Variants in AGAP1 observed in about 807,000 individuals in gnomAD.
AGAP1 encodes the protein arf-GAP with GTPase, ANK repeat and PH domain-containing protein 1.
In AGAP1, 29 loss-of-function variants were observed where a neutral mutation model predicts 105.3. The observed-to-expected ratio is 0.28, with a 90% CI of 0.21 to 0.38. The LOEUF (loss-of-function observed/expected upper bound fraction) is 0.38. AGAP1 is among the 10% of genes least tolerant of loss of function. The pLI is 1.00. For missense variants in AGAP1, 998 were observed against 1,165.1 expected, an observed-to-expected ratio of 0.86 and a Z score of 2.09; for synonymous variants, 509 against 485.9, an observed-to-expected ratio of 1.05 and a Z score of -0.63.
At chr2:235,568,429 T>C (rs76447898) in intron 1 of AGAP1, among the ~76,000 whole-genome samples, 3,092 of 152,218 alleles carry the variant, frequency 0.02, 109 homozygotes, top group African/African-American at 0.07. Context: ...AGAAAGAAAC[T>C]GAAGCTCCTT....
chr2:236,024,607 C>CA lies in AGAP1; in HGVS notation c.1646-11947dup, dbSNP rs200351722. Among the ~76,000 whole-genome samples, 885 of 151,924 alleles carry CA rather than the reference C, an allele frequency of 5.8e-3. 4 individuals are homozygous for CA. The highest frequency in any genetic ancestry group is 0.02 in the African/African-American group (835 of 41,428). The stretch of plus-strand genomic sequence containing the variant: ...TAACCCTTTGTCTGCTAGAATTCCG[C>CA]AAAAAAATAATTGATGACGGATTGG... On this transcript the variant is annotated intron_variant, in intron 13 of 17. Transcript: ENST00000304032.
At chr2:235,863,965 G>A (rs2049041218) in intron 9 of AGAP1, among the ~76,000 whole-genome samples, 1 of 152,204 alleles carries the variant, frequency 6.6e-6, no homozygotes, top group African/African-American at 2.4e-5. Context: ...AGTGTGTGTT[G>A]GAGAGAAAGG....
chr2:235,725,644 A>G lies in AGAP1; in HGVS notation c.310+8000A>G, dbSNP rs150674264. On this transcript the variant is annotated intron_variant, in intron 3 of 17. Coordinates refer to ENST00000304032, the MANE Select transcript of AGAP1 (RefSeq NM_001037131.3). The surrounding 1 kb of genome is among the most constrained non-coding windows in gnomAD (Gnocchi z 5.7). ...AAACACATGATAATTTTTTAATGAG[A>G]ATTATCTGTAAACGTTGAGATGATG... Among the ~76,000 whole-genome samples the G allele has an allele frequency of 2.3e-3, 354 of 152,306 alleles. 4 individuals are homozygous for G. Among genetic ancestry groups the G allele is most frequent in the East Asian group, 0.02 (104 of 5,176 alleles).
At chr2:235,713,840 C>A (rs1950965987) in intron 2 of AGAP1, among the ~76,000 whole-genome samples, 1 of 152,138 alleles carries the variant, frequency 6.6e-6, no homozygotes, top group South Asian at 2.1e-4. Flanking sequence ...TGCCTGAGGA[C>A]CTGCTTGCTG....
chr2:235,703,229 G>T (rs898522413), intron 1 of AGAP1, among the ~76,000 whole-genome samples: 1 of 151,722 alleles, frequency 6.6e-6, no homozygotes, highest in Non-Finnish European at 1.5e-5. Context: ...CGCCCGGCCC[G>T]AGCCACGGTT....
At chr2:235,946,512 T>G (rs1323882939) in intron 12 of AGAP1, among the ~76,000 whole-genome samples, 1 of 152,098 alleles carries the variant, frequency 6.6e-6, no homozygotes, top group Admixed American at 6.5e-5. Context: ...CACTAAAATT[T>G]TCCATGTCTT....
chr2:235,805,262 G>C (rs927616852), intron 8 of AGAP1, among the ~76,000 whole-genome samples: 3 of 152,170 alleles, frequency 2.0e-5, no homozygotes, highest in African/African-American at 7.2e-5. Context: ...CAGAGTGTGT[G>C]ATCAGATATT....
In AGAP1 at chr2:235,705,519, G is replaced by T. The variant is rs573969914; in HGVS notation, c.164-3660G>T. Among the ~76,000 whole-genome samples, 1 of 152,166 alleles carries T rather than the reference G, an allele frequency of 6.6e-6. No individual in the cohort carries two copies. The highest frequency in any genetic ancestry group is 1.5e-5 in the Non-Finnish European group (1 of 68,024). On this transcript the variant is annotated intron_variant, in intron 1 of 17. Coordinates refer to ENST00000304032, the MANE Select transcript of AGAP1 (RefSeq NM_001037131.3). The surrounding 1 kb of genome is among the most constrained non-coding windows in gnomAD (Gnocchi z 4.9). ...CCTACTGAGTGATGAACAATTCCAC[G>T]CCAGCACAGTGTCCAGCCCACAGAT...
At chr2:235,765,263 C>T (rs192191457) in intron 6 of AGAP1, among the ~76,000 whole-genome samples, 877 of 86,840 alleles carry the variant, frequency 0.01, 14 homozygotes, top group African/African-American at 0.039. Context: ...CATCTGGGAG[C>T]GTCCGTGGGG....
intron 1 of AGAP1, among the ~76,000 whole-genome samples, chr2:235,594,580 T>C (rs566475453): frequency 6.6e-6 from 1 of 152,292 alleles, no homozygotes; most frequent in East Asian, 1.9e-4. Flanking sequence ...TTTTCCAGAT[T>C]GCTGTTTGTT....
Position 236,089,254 on chromosome 2 carries a change from G to C in AGAP1, c.2115-30938G>C, listed in dbSNP as rs2059002758. On this transcript the variant is annotated intron_variant, in intron 16 of 17. Coordinates refer to ENST00000304032, the MANE Select transcript of AGAP1 (RefSeq NM_001037131.3). This position sits in a 1 kb window ranked among gnomAD's most constrained non-coding sequence, Gnocchi z 5.6. ...AAGAAAAAATAAAAAGTTAAAGTCA[G>C]TCTAGTCAATTGCTTTAACACAAAG... is the stretch of plus-strand genomic sequence containing the variant. Among the ~76,000 whole-genome samples, 1 of 152,232 alleles carries C rather than the reference G, an allele frequency of 6.6e-6. No homozygotes were observed. Among genetic ancestry groups the C allele is most frequent in the Non-Finnish European group, 1.5e-5 (1 of 68,042 alleles).
intron 1 of AGAP1, among the ~76,000 whole-genome samples, chr2:235,658,290 C>A (rs992694624): frequency 6.6e-6 from 1 of 152,132 alleles, no homozygotes; most frequent in African/African-American, 2.4e-5. Flanking sequence ...AATAACGGTG[C>A]TGCTATTTTC....
rs1436078906 is a variant in AGAP1, at chr2:235,744,995, C to G, written c.538+156C>G. 6.6e-6 allele frequency among the ~76,000 whole-genome samples: 1 copy of G among 152,018 alleles called. No homozygotes were observed. The highest frequency in any genetic ancestry group is 1.5e-5 in the Non-Finnish European group (1 of 68,008). ...TTATGGAACTGAAATGATCACATTT[C>G]CTGATTTGATTCTATGGTGAAACCA... On this transcript the variant is annotated intron_variant, in intron 5 of 17. Coordinates refer to ENST00000304032, the MANE Select transcript of AGAP1 (RefSeq NM_001037131.3). This position sits in a 1 kb window ranked among gnomAD's most constrained non-coding sequence, Gnocchi z 5.2.
intron 1 of AGAP1, among the ~76,000 whole-genome samples, chr2:235,532,621 A>G (rs184112818): frequency 1.3e-5 from 2 of 152,210 alleles, no homozygotes; most frequent in East Asian, 3.8e-4. Context: ...GTCTTTTTAA[A>G]TGTTTGCTTG....
chr2:235,615,200 T>A lies in AGAP1; in HGVS notation c.164-93979T>A, dbSNP rs770855656. ...TTGTCACTTCCACTGCCAGCCAGCT[T>A]GCACGGTCCAGGGACGTCCCCACCC... On this transcript the variant is annotated intron_variant, in intron 1 of 17. Coordinates refer to ENST00000304032, the MANE Select transcript of AGAP1 (RefSeq NM_001037131.3). The surrounding 1 kb of genome is among the most constrained non-coding windows in gnomAD (Gnocchi z 5.0). Among the ~76,000 whole-genome samples the A allele has an allele frequency of 1.3e-5, 2 of 152,206 alleles. No homozygotes were observed. The highest frequency in any genetic ancestry group is 2.9e-5 in the Non-Finnish European group (2 of 68,040).
Position 235,951,315 on chromosome 2 carries a change from T to A in AGAP1, c.1484-17147T>A, listed in dbSNP as rs1302036562. On this transcript the variant is annotated intron_variant, in intron 12 of 17. Coordinates refer to ENST00000304032, the MANE Select transcript of AGAP1 (RefSeq NM_001037131.3). The surrounding 1 kb of genome is among the most constrained non-coding windows in gnomAD (Gnocchi z 4.2). ...TACTCGATCGATGTCCACAGCACAT[T>A]CAAATTATCTTTCATGTTACAAACT... Among the ~76,000 whole-genome samples, 1 of 152,156 alleles carries A rather than the reference T, an allele frequency of 6.6e-6. No individual in the cohort carries two copies. The highest frequency in any genetic ancestry group is 1.5e-5 in the Non-Finnish European group (1 of 68,034).
chr2:235,671,179 G>C, intron 1 of AGAP1: 3 of 1,101,338 alleles, frequency 2.7e-6, no homozygotes, highest in East Asian at 3.3e-5. Flanking sequence ...CGAGGGATGC[G>C]AACTCGGGTA....
Position 235,906,616 on chromosome 2 carries a change from T to C in AGAP1, c.1156-2122T>C, listed in dbSNP as rs1028351396. 2.6e-5 allele frequency among the ~76,000 whole-genome samples: 4 copies of C among 152,036 alleles called. No individual in the cohort carries two copies. The highest frequency in any genetic ancestry group is 1.5e-5 in the Non-Finnish European group (1 of 68,034). ...TTCCCTTGAGTCTGGTTTGACTCCATGTGGCAGCCTGTAAGTCATGTTGGT... is the reference window on the plus strand; with the variant it reads ...TTCCCTTGAGTCTGGTTTGACTCCACGTGGCAGCCTGTAAGTCATGTTGGT... On this transcript the variant is annotated intron_variant, in intron 10 of 17. Coordinates refer to ENST00000304032, the MANE Select transcript of AGAP1 (RefSeq NM_001037131.3). The surrounding 1 kb of genome is among the most constrained non-coding windows in gnomAD (Gnocchi z 5.3).
intron 1 of AGAP1, among the ~76,000 whole-genome samples, chr2:235,671,406 G>A (rs994175269): frequency 6.6e-6 from 1 of 152,200 alleles, no homozygotes; most frequent in East Asian, 1.9e-4. Context: ...CACCTGTGGG[G>A]CCGCCCCAGG....
Sources: gnomAD v4.1 joint callset for allele counts (sites outside exome capture counted in the v4.1 genomes callset) on GRCh38, gnomAD v4.1.1 for gene constraint, Gnocchi (gnomAD v3.1) non-coding constraint, MANE v1.5 for transcripts, NCBI Gene and HGNC (gene_info 2026-07-23, HGNC 2026-07-21) for gene names.